Variants in RAB3C observed in about 807,000 individuals in gnomAD.
RAB3C encodes RAB3C, member RAS oncogene family.
A neutral mutation model predicts 26.4 loss-of-function variants in RAB3C; 17 were observed. The ratio of observed to expected loss-of-function variants is 0.64; its 90% CI spans 0.44 to 0.97. RAB3C has a LOEUF of 0.97. RAB3C is among the 50% of genes least tolerant of loss of function. RAB3C has a pLI of 0.00. For missense variants in RAB3C, 242 were observed against 281.9 expected (o/e 0.86, Z 1.01); for synonymous variants, 91 against 95.9 (o/e 0.95, Z 0.30).
At chr5:58,832,113 G>A (rs1358035725) in intron 4 of RAB3C, among the ~76,000 whole-genome samples, 1 of 152,154 alleles carries the variant, frequency 6.6e-6, no homozygotes, top group East Asian at 1.9e-4. Context: ...CGTGCTGCCC[G>A]GCCACAGGGA....
chr5:58,743,273 T>TTG (rs1561307280), intron 3 of RAB3C, among the ~76,000 whole-genome samples: 1 of 152,184 alleles, frequency 6.6e-6, no homozygotes, highest in Non-Finnish European at 1.5e-5. Flanking sequence ...GTTTTTGTTT[T>TTG]AAGATACTAG....
intron 2 of RAB3C, among the ~76,000 whole-genome samples, chr5:58,640,998 C>T (rs1386062135): frequency 6.6e-6 from 1 of 152,080 alleles, no homozygotes. Flanking sequence ...TGATTTATCC[C>T]ATCAAACCAA....
intron 3 of RAB3C, chr5:58,823,239 A>G (rs940128515): frequency 3.8e-6 from 1 of 264,050 alleles, no homozygotes; most frequent in Non-Finnish European, 7.5e-6. Flanking sequence ...AATAAAGCTC[A>G]TATTGGCTGG....
chr5:58,770,899 G>A (rs1041855629), intron 3 of RAB3C, among the ~76,000 whole-genome samples: 11 of 151,984 alleles, frequency 7.2e-5, no homozygotes, highest in South Asian at 2.1e-4. Flanking sequence ...ACTCACACAC[G>A]TAAAAACATG....
At chr5:58,633,554 G>A (rs1747229971) in intron 2 of RAB3C, among the ~76,000 whole-genome samples, 1 of 152,150 alleles carries the variant, frequency 6.6e-6, no homozygotes, top group African/African-American at 2.4e-5. Context: ...AAATTGAGAT[G>A]AGACCAACAG....
intron 2 of RAB3C, among the ~76,000 whole-genome samples, chr5:58,686,625 C>G (rs983669893): frequency 5.3e-5 from 8 of 151,744 alleles, no homozygotes; most frequent in African/African-American, 1.7e-4. Flanking sequence ...ATAGCTGTCT[C>G]TAATTCTGAT....
At chr5:58,767,833 C>A (rs1741941598) in intron 3 of RAB3C, among the ~76,000 whole-genome samples, 2 of 152,098 alleles carry the variant, frequency 1.3e-5, no homozygotes, top group South Asian at 4.2e-4. Context: ...TTATAGCCTA[C>A]TAGTAGGAAA....
chr5:58,589,397 A>G (rs764311667), intron 1 of RAB3C, among the ~76,000 whole-genome samples: 16 of 152,156 alleles, frequency 1.1e-4, no homozygotes, highest in Non-Finnish European at 1.9e-4. Flanking sequence ...ATGAAGTTAT[A>G]GTATTGGAAT....
intron 2 of RAB3C, among the ~76,000 whole-genome samples, chr5:58,681,868 T>G (rs1748350521): frequency 6.6e-6 from 1 of 152,128 alleles, no homozygotes; most frequent in African/African-American, 2.4e-5. Context: ...GGAAAATAAG[T>G]TAATGAAAAA....
At chr5:58,671,170 T>C (rs1325900950) in intron 2 of RAB3C, among the ~76,000 whole-genome samples, 1 of 152,130 alleles carries the variant, frequency 6.6e-6, no homozygotes, top group Non-Finnish European at 1.5e-5. Flanking sequence ...AAGATAATAA[T>C]AATTGTCAAA....
At chr5:58,845,630 GTATATGTA>G (rs1295963299) in intron 4 of RAB3C, among the ~76,000 whole-genome samples, 2 of 89,816 alleles carry the variant, frequency 2.2e-5, no homozygotes, top group African/African-American at 4.9e-5. Context: ...GTGTGTGTGT[GTATATGTA>G]TATATACATA....
chr5:58,777,315 C>A (rs1742165836), intron 3 of RAB3C, among the ~76,000 whole-genome samples: 1 of 152,106 alleles, frequency 6.6e-6, no homozygotes, highest in Admixed American at 6.6e-5. Flanking sequence ...ACCAAACTTC[C>A]TTCTTTCTTC....
In RAB3C at chr5:58,596,150, C is replaced by A. The variant is rs1309765119; in HGVS notation, c.24+12918C>A. ...TAGCACTGAAAGTTCTGCTGTGTAC[C>A]ATGAAAATCCTCATTCCCAGGCAAA... On this transcript the variant is annotated intron_variant, in intron 1 of 4. Transcript: ENST00000282878. 2.0e-4 allele frequency among the ~76,000 whole-genome samples: 30 copies of A among 151,944 alleles called. No individual in the cohort carries two copies. In the Admixed American group the frequency reaches 2.0e-3, roughly 10 times the overall value.
chr5:58,671,274 C>T (rs1285988326), intron 2 of RAB3C, among the ~76,000 whole-genome samples: 1 of 152,042 alleles, frequency 6.6e-6, no homozygotes, highest in East Asian at 1.9e-4. Flanking sequence ...TGCTCTCATT[C>T]TCCCCCCACT....
At chr5:58,624,962 T>C (rs1485814247) in intron 2 of RAB3C, among the ~76,000 whole-genome samples, 1 of 152,176 alleles carries the variant, frequency 6.6e-6, no homozygotes, top group Non-Finnish European at 1.5e-5. Context: ...TTATAGGTAG[T>C]GAGTTATCTA....
intron 3 of RAB3C, among the ~76,000 whole-genome samples, chr5:58,818,813 C>T (rs1209538993): frequency 6.6e-6 from 1 of 152,162 alleles, no homozygotes; most frequent in South Asian, 2.1e-4. Flanking sequence ...ATGTGTCCCT[C>T]AAATAAGAAA....
intron 3 of RAB3C, among the ~76,000 whole-genome samples, chr5:58,817,637 G>T (rs996362338): frequency 2.6e-5 from 4 of 152,144 alleles, no homozygotes; most frequent in Non-Finnish European, 4.4e-5. Flanking sequence ...AAGAAAAGTA[G>T]TTGGAGGGAA....
chr5:58,605,657 G>A (rs1366763966), intron 1 of RAB3C, among the ~76,000 whole-genome samples: 4 of 152,132 alleles, frequency 2.6e-5, no homozygotes, highest in Admixed American at 6.5e-5. Context: ...TAGTACTTTG[G>A]GAGGCCGAGG....
chr5:58,596,564 T>C (rs985812784), intron 1 of RAB3C, among the ~76,000 whole-genome samples: 1 of 123,038 alleles, frequency 8.1e-6, no homozygotes, highest in Non-Finnish European at 1.6e-5. Context: ...ACATATATTA[T>C]ATATAAATAT....
Sources: gnomAD v4.1 joint callset for allele counts (sites outside exome capture counted in the v4.1 genomes callset) on GRCh38, gnomAD v4.1.1 for gene constraint, MANE v1.5 for transcripts, NCBI Gene and HGNC (gene_info 2026-07-23, HGNC 2026-07-21) for gene names.